The following ANK3 variants were observed in gnomAD, a reference collection of about 807,000 sequenced individuals.
The protein encoded by ANK3 is ankyrin-3.
Under a neutral mutation model 370.9 loss-of-function variants are expected in ANK3, and 57 were observed. The observed-to-expected ratio is 0.15, with a 90% CI of 0.12 to 0.19. The LOEUF (loss-of-function observed/expected upper bound fraction) is 0.19. Ranked by LOEUF, ANK3 falls within the 10% of genes least tolerant of loss-of-function variation. The pLI is 1.00. For missense variants in ANK3, 4,439 were observed against 5,302.1 expected, an observed-to-expected ratio of 0.84 and a Z score of 5.06; for synonymous variants, 1,929 against 1,946.3, an observed-to-expected ratio of 0.99 and a Z score of 0.23.
At chr10:60,726,088 CT>C (rs1213786999) in intron 1 of ANK3, among the ~76,000 whole-genome samples, 7 of 152,164 alleles carry the variant, frequency 4.6e-5, no homozygotes, top group Admixed American at 4.6e-4. Context: ...ACGATGATAG[CT>C]TCTGGTATCA....
chr10:60,188,480 T>G (rs1195843708), intron 16 of ANK3, among the ~76,000 whole-genome samples: 1 of 152,204 alleles, frequency 6.6e-6, no homozygotes, highest in Admixed American at 6.5e-5. Context: ...AGAATTTATA[T>G]TTGGAAGTAT....
intron 1 of ANK3, among the ~76,000 whole-genome samples, chr10:60,291,864 C>T (rs368537964): frequency 5.3e-5 from 8 of 151,960 alleles, no homozygotes; most frequent in Admixed American, 3.3e-4. Context: ...AGGTACAGAC[C>T]GCCACGCCTG....
chr10:60,716,585 C>T (rs2079792603), intron 1 of ANK3, among the ~76,000 whole-genome samples: 1 of 152,144 alleles, frequency 6.6e-6, no homozygotes, highest in Non-Finnish European at 1.5e-5. Flanking sequence ...ACATTCACAG[C>T]TCACTGCAAC....
At chr10:60,030,700 G>A (rs1264831728) in intron 43 of ANK3, among the ~76,000 whole-genome samples, 3 of 152,120 alleles carry the variant, frequency 2.0e-5, no homozygotes, top group Admixed American at 2.0e-4. Flanking sequence ...ACATGACCCA[G>A]CCCCCAGCTT....
At chr10:60,300,504 G>A in intron 1 of ANK3, 1 of 1,243,220 alleles carries the variant, frequency 8.0e-7, no homozygotes, top group Non-Finnish European at 1.0e-6. Context: ...ACTAACTAGA[G>A]TATTTAAATG....
At chr10:60,599,796 T>G (rs1284831196) in intron 2 of ANK3, among the ~76,000 whole-genome samples, 1 of 152,170 alleles carries the variant, frequency 6.6e-6, no homozygotes, top group African/African-American at 2.4e-5. Flanking sequence ...CATCTAGAGA[T>G]TTCATATAAA....
intron 42 of ANK3, chr10:60,043,075 C>T (rs9888124): frequency 0.76 from 829,144 of 1,086,974 alleles, 317,093 homozygotes; most frequent in East Asian, 0.8. Flanking sequence ...CCACAGCTCA[C>T]AAGGCAGCAG....
chr10:60,048,524 C>CAAGT (rs1220245529), intron 42 of ANK3, among the ~76,000 whole-genome samples: 1 of 152,182 alleles, frequency 6.6e-6, no homozygotes, highest in African/African-American at 2.4e-5. Flanking sequence ...TGCAGATGCT[C>CAAGT]AAGTCCCAGA....
At chr10:60,364,116 AAG>A (rs1171740235) in intron 1 of ANK3, among the ~76,000 whole-genome samples, 2 of 151,830 alleles carry the variant, frequency 1.3e-5, no homozygotes. Flanking sequence ...CAACATGGTG[AAG>A]CCCTGTTTCT....
chr10:60,484,564 T>C (rs983298959), intron 2 of ANK3, among the ~76,000 whole-genome samples: 2 of 152,150 alleles, frequency 1.3e-5, no homozygotes, highest in African/African-American at 4.8e-5. Context: ...AAAAAAAATC[T>C]AGGCTGTTAA....
intron 2 of ANK3, among the ~76,000 whole-genome samples, chr10:60,539,765 T>C (rs921860250): frequency 2.6e-5 from 4 of 151,964 alleles, no homozygotes; most frequent in African/African-American, 9.7e-5. Context: ...AGGTGTCTTC[T>C]AGGTCTGTCC....
intron 23 of ANK3, among the ~76,000 whole-genome samples, chr10:60,155,869 T>C (rs2095312907): frequency 6.6e-6 from 1 of 152,210 alleles, no homozygotes; most frequent in East Asian, 1.9e-4. Context: ...CCTACACCAG[T>C]GATTTGCCAG....
intron 42 of ANK3, chr10:60,043,065 C>T (rs969815443): frequency 8.9e-7 from 1 of 1,126,770 alleles, no homozygotes; most frequent in Non-Finnish European, 1.1e-6. Context: ...GAAATCAGCA[C>T]CACAGCTCAC....
intron 1 of ANK3, among the ~76,000 whole-genome samples, chr10:60,661,194 C>T (rs1050046137): frequency 4.0e-5 from 6 of 150,784 alleles, no homozygotes; most frequent in Admixed American, 1.3e-4. Context: ...ATGACGGAAC[C>T]ATAACCAGTA....
chr10:60,480,105 T>A (rs188844710), intron 2 of ANK3, among the ~76,000 whole-genome samples: 17 of 152,176 alleles, frequency 1.1e-4, no homozygotes, highest in Admixed American at 7.2e-4. Context: ...AGATGAGTAG[T>A]GGTAGAGACA....
At chr10:60,226,586 T>TATATA (rs575559986) in intron 8 of ANK3, among the ~76,000 whole-genome samples, 3 of 72,130 alleles carry the variant, frequency 4.2e-5, no homozygotes, top group Admixed American at 1.8e-4. Flanking sequence ...ATATATACTA[T>TATATA]GTATATATAC....
At chr10:60,392,229 T>C (rs748788050), upstream of ANK3, among the ~76,000 whole-genome samples, 2 of 152,220 alleles carry the variant, frequency 1.3e-5, no homozygotes, top group Non-Finnish European at 2.9e-5. Context: ...GACAGTTTTA[T>C]CAATAGTTCC....
At chr10:60,685,004 C>A in intron 1 of ANK3, 2 of 1,550,046 alleles carry the variant, frequency 1.3e-6, no homozygotes, top group Non-Finnish European at 1.8e-6. Flanking sequence ...TTGCAGCCTA[C>A]CTGCGCAATC....
chr10:60,405,562 A>G (rs945762977), intron 2 of ANK3, among the ~76,000 whole-genome samples: 15 of 152,190 alleles, frequency 9.9e-5, no homozygotes, highest in African/African-American at 3.6e-4. Flanking sequence ...TCTCAAAAAG[A>G]TCTGTGTTAC....
Sources: gnomAD v4.1 joint callset for allele counts (sites outside exome capture counted in the v4.1 genomes callset) on GRCh38, gnomAD v4.1.1 for gene constraint, MANE v1.5 for transcripts, NCBI Gene and HGNC (gene_info 2026-07-23, HGNC 2026-07-21) for gene names.